The following SULF1 variants were observed in gnomAD, a reference collection of about 807,000 sequenced individuals.
SULF1 encodes sulfatase 1, also known as extracellular sulfatase Sulf-1.
In SULF1, 46 loss-of-function variants were observed where a neutral mutation model predicts 110.5. That is an observed-to-expected ratio of 0.42 (90% CI 0.33 to 0.53). The LOEUF is 0.53. Among genes scored for constraint, SULF1 ranks in the 20% least tolerant of loss-of-function variants. The pLI is 0.12. For synonymous variants in SULF1, 371 were observed against 387.1 expected, an observed-to-expected ratio of 0.96 and a Z score of 0.49; for missense variants, 941 against 1,094.2, an observed-to-expected ratio of 0.86 and a Z score of 1.98.
chr8:69,479,402 G>C (rs1316577883), intron 1 of SULF1, among the ~76,000 whole-genome samples: 1 of 152,022 alleles, frequency 6.6e-6, no homozygotes, highest in Non-Finnish European at 1.5e-5. Flanking sequence ...AATCGTATTG[G>C]GTGTTTTTTT....
chr8:69,652,786 A>T (rs1337858603), intron 22 of SULF1, among the ~76,000 whole-genome samples: 1 of 152,198 alleles, frequency 6.6e-6, no homozygotes, highest in African/African-American at 2.4e-5. Flanking sequence ...GCTGTAACCA[A>T]TCTGGCTGCT....
chr8:69,586,217 T>A (rs1311912046), intron 6 of SULF1, 140 bp from the exon 7 acceptor site: 2 of 744,258 alleles, frequency 2.7e-6, no homozygotes, highest in Non-Finnish European at 4.1e-6. Flanking sequence ...AGTATTACAC[T>A]AATGTCATTT....
chr8:69,549,033 G>A (rs1814502134), intron 3 of SULF1, among the ~76,000 whole-genome samples: 1 of 152,142 alleles, frequency 6.6e-6, no homozygotes, highest in Non-Finnish European at 1.5e-5. Flanking sequence ...CGACCCTATG[G>A]CTTGCTTTAG....
At chr8:69,542,977 G>A (rs1459338682) in intron 3 of SULF1, among the ~76,000 whole-genome samples, 1 of 152,062 alleles carries the variant, frequency 6.6e-6, no homozygotes, top group Non-Finnish European at 1.5e-5. Flanking sequence ...GAGACCAGAG[G>A]ACACCCCAAC....
At chr8:69,622,819 G>T (rs1375491696) in intron 14 of SULF1, among the ~76,000 whole-genome samples, 1 of 152,054 alleles carries the variant, frequency 6.6e-6, no homozygotes, top group African/African-American at 2.4e-5. Context: ...GCAGGAGTCG[G>T]TTTTCACCCT....
intron 3 of SULF1, among the ~76,000 whole-genome samples, chr8:69,560,818 T>C (rs1815430682): frequency 1.3e-5 from 2 of 152,212 alleles, no homozygotes; most frequent in Admixed American, 6.5e-5. Flanking sequence ...GAATTGTCTG[T>C]GTGCAGTGTT....
chr8:69,471,324 T>C (rs886620244), intron 1 of SULF1, among the ~76,000 whole-genome samples: 13 of 152,100 alleles, frequency 8.5e-5, no homozygotes, highest in Non-Finnish European at 1.6e-4. Context: ...CTCAAGACAC[T>C]TTCCTCTCTA....
intron 22 of SULF1, among the ~76,000 whole-genome samples, chr8:69,652,315 T>C (rs1282094134): frequency 1.3e-5 from 2 of 152,226 alleles, no homozygotes; most frequent in Admixed American, 1.3e-4. Flanking sequence ...TTCCAGGAAT[T>C]TGGATGTGGA....
intron 19 of SULF1, among the ~76,000 whole-genome samples, chr8:69,637,184 A>G (rs1387221467): frequency 3.9e-5 from 6 of 152,240 alleles, no homozygotes; most frequent in Non-Finnish European, 8.8e-5. Context: ...AGAAGGGTCG[A>G]CGTTGAGTTC....
chr8:69,512,342 G>A (rs950130885), intron 3 of SULF1, among the ~76,000 whole-genome samples: 15 of 152,146 alleles, frequency 9.9e-5, no homozygotes, highest in African/African-American at 3.4e-4. Context: ...AAAGTTAAAG[G>A]TGATCATCAG....
chr8:69,504,365 C>T (rs1445135856), intron 3 of SULF1, among the ~76,000 whole-genome samples: 2 of 151,886 alleles, frequency 1.3e-5, no homozygotes, highest in Non-Finnish European at 2.9e-5. Flanking sequence ...ACCAGCCTGG[C>T]CAATATGGTG....
chr8:69,630,940 G>A (rs1049183395), intron 19 of SULF1, among the ~76,000 whole-genome samples: 2 of 151,916 alleles, frequency 1.3e-5, no homozygotes, highest in Non-Finnish European at 1.5e-5. Flanking sequence ...TTAGTATTAG[G>A]TATATCTCCT....
chr8:69,589,046 G>A lies in SULF1; in HGVS notation c.639G>A (p.Arg213=), dbSNP rs191906713. The A allele has an allele frequency of 6.2e-6, 10 of 1,614,120 alleles. No homozygotes were observed. The Admixed American group carries it at 1.0e-4, about 16-fold the overall frequency. The change falls in exon 8 of 23, where the codon AGG becomes AGA. Residue 213 remains arginine, a synonymous_variant. Transcript: ENST00000402687. Reference sequence around the variant, plus strand: ...TGTCTAAGAGAATGTATCCCCATAGGCCCGTTATGATGGTGATCAGCCACG... The same window carrying A: ...TGTCTAAGAGAATGTATCCCCATAGACCCGTTATGATGGTGATCAGCCACG... The part of the protein sequence containing the change: ...FKMSKRMYPH[R]PVMMVISHAA...
intron 3 of SULF1, among the ~76,000 whole-genome samples, chr8:69,547,046 C>A (rs1363370156): frequency 1.3e-5 from 2 of 152,120 alleles, no homozygotes; most frequent in Admixed American, 1.3e-4. Flanking sequence ...CATGAATGAT[C>A]AAGTTGACAA....
At chr8:69,613,918 A>G (rs1808867896) in intron 13 of SULF1, among the ~76,000 whole-genome samples, 1 of 152,140 alleles carries the variant, frequency 6.6e-6, no homozygotes, top group South Asian at 2.1e-4. Flanking sequence ...CCAGAAGAAC[A>G]AAGAGATTCT....
chr8:69,474,440 G>A (rs1160393687), intron 1 of SULF1, among the ~76,000 whole-genome samples: 4 of 152,110 alleles, frequency 2.6e-5, no homozygotes, highest in Admixed American at 6.5e-5. Flanking sequence ...TGAATAGAAT[G>A]TCCCTGTAAA....
chr8:69,480,475 A>G (rs1809472259), intron 1 of SULF1, among the ~76,000 whole-genome samples: 1 of 152,210 alleles, frequency 6.6e-6, no homozygotes, highest in Non-Finnish European at 1.5e-5. Flanking sequence ...CCCCTTAGTA[A>G]TGTCACCTTA....
At chr8:69,560,026 A>C (rs1370852719) in intron 3 of SULF1, among the ~76,000 whole-genome samples, 1 of 152,228 alleles carries the variant, frequency 6.6e-6, no homozygotes, top group Non-Finnish European at 1.5e-5. Flanking sequence ...AAGAAAGCAA[A>C]TAATGTGTCA....
chr8:69,653,999 A>T (rs1041644577), intron 22 of SULF1, among the ~76,000 whole-genome samples: 7 of 152,200 alleles, frequency 4.6e-5, no homozygotes, highest in Non-Finnish European at 1.0e-4. Flanking sequence ...ATTCTGTCAT[A>T]TGAAAATACC....
Sources: gnomAD v4.1 joint callset for allele counts (sites outside exome capture counted in the v4.1 genomes callset) on GRCh38, gnomAD v4.1.1 for gene constraint, MANE v1.5 for transcripts, NCBI Gene and HGNC (gene_info 2026-07-23, HGNC 2026-07-21) for gene names.